LDB2: variants seen among roughly 807,000 people sequenced by gnomAD.
LDB2 encodes the protein LIM domain binding 2.
A neutral mutation model predicts 44.3 loss-of-function variants in LDB2; 12 were observed. The observed-to-expected ratio is 0.27, with a 90% confidence interval of 0.17 to 0.44. The LOEUF (loss-of-function observed/expected upper bound fraction) is 0.44. Ranked by LOEUF, LDB2 falls within the 20% of genes least tolerant of loss-of-function variation. The pLI is 1.00. For missense variants in LDB2, 344 were observed against 473.5 expected (o/e 0.73, Z 2.54); for synonymous variants, 164 against 174.8 (o/e 0.94, Z 0.49).
chr4:16,548,859 T>G (rs1736686715), intron 5 of LDB2, among the ~76,000 whole-genome samples: 1 of 152,200 alleles, frequency 6.6e-6, no homozygotes, highest in Non-Finnish European at 1.5e-5. Context: ...CAGCAAAGTG[T>G]GCTAGTGGCA....
chr4:16,890,975 T>C (rs988948942), intron 1 of LDB2, among the ~76,000 whole-genome samples: 6 of 152,188 alleles, frequency 3.9e-5, no homozygotes, highest in Non-Finnish European at 8.8e-5. Context: ...TTGGAAGTTC[T>C]TTCCCCTTTA....
chr4:16,642,184 T>C (rs892903456), intron 2 of LDB2, among the ~76,000 whole-genome samples: 1 of 152,256 alleles, frequency 6.6e-6, no homozygotes, highest in Middle Eastern at 3.4e-3. Flanking sequence ...TGGAGGGAAA[T>C]TCATAGCAGT....
At chr4:16,739,671 CATATGTGTGTAT>C (rs1351606217) in intron 2 of LDB2, among the ~76,000 whole-genome samples, 1 of 51,638 alleles carries the variant, frequency 1.9e-5, no homozygotes, top group African/African-American at 1.0e-4. Flanking sequence ...TGTATATATA[CATATGTGTGTAT>C]ATATGTATAT....
At chr4:16,644,708 G>T (rs777996525) in intron 2 of LDB2, among the ~76,000 whole-genome samples, 1 of 152,124 alleles carries the variant, frequency 6.6e-6, no homozygotes, top group Non-Finnish European at 1.5e-5. Context: ...GGGATTATAG[G>T]CATGAGTCAC....
intron 5 of LDB2, among the ~76,000 whole-genome samples, chr4:16,550,533 G>A (rs528260677): frequency 4.6e-5 from 7 of 152,280 alleles, no homozygotes; most frequent in South Asian, 4.1e-4. Context: ...ACATTGGTAC[G>A]TTACATCAGT....
chr4:16,664,911 A>C (rs1742616993), intron 2 of LDB2, among the ~76,000 whole-genome samples: 1 of 152,198 alleles, frequency 6.6e-6, no homozygotes, highest in African/African-American at 2.4e-5. Flanking sequence ...AACACACAGG[A>C]ACCTCCAAAG....
chr4:16,707,759 C>A (rs1005939309), intron 2 of LDB2, among the ~76,000 whole-genome samples: 1 of 151,860 alleles, frequency 6.6e-6, no homozygotes, highest in Non-Finnish European at 1.5e-5. Context: ...AGCTGCTCAG[C>A]CTCAGCTCAA....
chr4:16,522,900 C>T (rs144171139), intron 5 of LDB2, among the ~76,000 whole-genome samples: 143 of 152,250 alleles, frequency 9.4e-4, no homozygotes, highest in South Asian at 5.0e-3. Context: ...CAAACATCTG[C>T]GGAGTGCTGT....
Position 16,542,216 on chromosome 4 carries a change from G to T in LDB2, c.616-30112C>A, listed in dbSNP as rs147236545. Among the ~76,000 whole-genome samples, 374 of 152,070 alleles carry T rather than the reference G, an allele frequency of 2.5e-3. 3 individuals carry two copies. Among genetic ancestry groups the T allele is most frequent in the African/African-American group, 8.3e-3 (345 of 41,494 alleles). ...AACACCTACCAGGTTCCAGGCACTT[G>T]GGAAAAGGCAGTGAGCAAGACTGAT... On this transcript the variant is annotated intron_variant, in intron 5 of 7. Coordinates refer to ENST00000304523, the MANE Select transcript of LDB2 (RefSeq NM_001290.5).
At chr4:16,547,951 T>G (rs184133011) in intron 5 of LDB2, among the ~76,000 whole-genome samples, 2,594 of 151,384 alleles carry the variant, frequency 0.017, 29 homozygotes, top group Middle Eastern at 0.024. Flanking sequence ...GGTTCTTTTT[T>G]TTTGTTTGTT....
intron 2 of LDB2, among the ~76,000 whole-genome samples, chr4:16,736,271 C>A (rs1761898112): frequency 6.6e-6 from 1 of 152,218 alleles, no homozygotes; most frequent in African/African-American, 2.4e-5. Context: ...CTCCTTCACT[C>A]CCAGAGGATT....
At chr4:16,510,761 C>A (rs1721417278) in intron 6 of LDB2, among the ~76,000 whole-genome samples, 1 of 152,230 alleles carries the variant, frequency 6.6e-6, no homozygotes, top group East Asian at 1.9e-4. Context: ...GGTAAGGATT[C>A]AATATTTTTG....
At chr4:16,795,390 A>C (rs540001649) in intron 1 of LDB2, among the ~76,000 whole-genome samples, 5 of 152,202 alleles carry the variant, frequency 3.3e-5, no homozygotes, top group Non-Finnish European at 7.3e-5. Context: ...GGAACGTGCA[A>C]GTGCAAGGTT....
chr4:16,821,885 G>A (rs913318036), intron 1 of LDB2, among the ~76,000 whole-genome samples: 1 of 151,872 alleles, frequency 6.6e-6, no homozygotes, highest in African/African-American at 2.4e-5. Flanking sequence ...GAGCTGGAAG[G>A]AAGGACTCCT....
chr4:16,666,551 A>G (rs563527667), intron 2 of LDB2, among the ~76,000 whole-genome samples: 1 of 152,228 alleles, frequency 6.6e-6, no homozygotes, highest in African/African-American at 2.4e-5. Flanking sequence ...TGGTTCTTCG[A>G]GTGTTGCTTC....
intron 1 of LDB2, among the ~76,000 whole-genome samples, chr4:16,816,774 A>G (rs555177158): frequency 1.7e-4 from 26 of 152,100 alleles, no homozygotes; most frequent in Non-Finnish European, 2.2e-4. Flanking sequence ...GTCCTTCACA[A>G]CAAGAAGGGC....
intron 2 of LDB2, among the ~76,000 whole-genome samples, chr4:16,672,824 C>CTTCTTTCT (rs1328529534): frequency 2.0e-3 from 120 of 61,264 alleles, no homozygotes; most frequent in South Asian, 5.2e-3. Context: ...GCCTGCCTGC[C>CTTCTTTCT]TGCCTTCTTT....
At chr4:16,894,085 G>T (rs1343201948) in intron 1 of LDB2, among the ~76,000 whole-genome samples, 1 of 151,922 alleles carries the variant, frequency 6.6e-6, no homozygotes, top group Non-Finnish European at 1.5e-5. Context: ...CATTGTTTTT[G>T]CTTTTATTGA....
chr4:16,503,146 A>G (rs1398201934), intron 7 of LDB2: 1 of 1,535,744 alleles, frequency 6.5e-7, no homozygotes. Flanking sequence ...AGAAATAAAA[A>G]AATGTATTTT....
Sources: gnomAD v4.1 joint callset for allele counts (sites outside exome capture counted in the v4.1 genomes callset) on GRCh38, gnomAD v4.1.1 for gene constraint, MANE v1.5 for transcripts, NCBI Gene and HGNC (gene_info 2026-07-23, HGNC 2026-07-21) for gene names.